Variants in SLC12A2 observed in about 807,000 individuals in gnomAD.
SLC12A2 encodes solute carrier family 12 member 2, also known as Na-K-2Cl cotransporter 1.
Under a neutral mutation model 136.3 loss-of-function variants are expected in SLC12A2, and 67 were observed. That is an observed-to-expected ratio of 0.49 (90% CI 0.40 to 0.60). SLC12A2 has a LOEUF of 0.60. SLC12A2 is among the 20% of genes least tolerant of loss of function. SLC12A2 has a pLI of 0.00. For synonymous variants in SLC12A2, 619 were observed against 562.9 expected (o/e 1.10, Z -1.41); for missense variants, 1,322 against 1,534.7 (o/e 0.86, Z 2.32).
chr5:128,143,061 G>T (rs1444297503), intron 10 of SLC12A2, among the ~76,000 whole-genome samples: 1 of 151,962 alleles, frequency 6.6e-6, no homozygotes. Context: ...AATTGACTTT[G>T]TTGAGTGTTC....
intron 19 of SLC12A2, among the ~76,000 whole-genome samples, chr5:128,173,138 T>C (rs1763435722): frequency 6.6e-6 from 1 of 152,218 alleles, no homozygotes; most frequent in Non-Finnish European, 1.5e-5. Context: ...AAGAGGTATC[T>C]GCTTCTGTAT....
At chr5:128,130,736 A>T (rs951289590) in intron 4 of SLC12A2, among the ~76,000 whole-genome samples, 3 of 152,094 alleles carry the variant, frequency 2.0e-5, no homozygotes, top group Non-Finnish European at 2.9e-5. Context: ...TATATTAGAA[A>T]TTCATTGGGA....
At position 128,180,872 on chromosome 5, in the gene SLC12A2, T is replaced by G. The variant is rs1581142290; in HGVS notation, c.3101-11T>G. ...ATTTAGTAAATGATTTATTACATTT[T>G]TATAATTCAGGTTTGACCTTATTGA... On this transcript the variant is annotated splice_polypyrimidine_tract_variant and intron_variant, in intron 22 of 26. Coordinates refer to ENST00000262461, the MANE Select transcript of SLC12A2 (RefSeq NM_001046.3). 1 of 1,448,538 alleles carries G rather than the reference T, an allele frequency of 6.9e-7. No individual in the cohort carries two copies. The highest frequency in any genetic ancestry group is 2.3e-5 in the East Asian group (1 of 44,024). The allele number at this position is 1,448,538 out of a possible 1,614,324, so 89.7% of individuals were successfully genotyped here.
At chr5:128,109,148 A>G (rs879156341) in intron 1 of SLC12A2, among the ~76,000 whole-genome samples, 1 of 152,224 alleles carries the variant, frequency 6.6e-6, no homozygotes, top group African/African-American at 2.4e-5. Context: ...AAATTTAATT[A>G]TTTTTCTCAC....
chr5:128,126,261 A>G (rs1321442717), intron 4 of SLC12A2, among the ~76,000 whole-genome samples: 1 of 152,208 alleles, frequency 6.6e-6, no homozygotes, highest in East Asian at 1.9e-4. Flanking sequence ...AAATGGGTAA[A>G]AGATTTGAAT....
intron 3 of SLC12A2, 38 bp from the exon 4 acceptor site, chr5:128,114,548 A>C (rs1173224878): frequency 7.5e-7 from 1 of 1,337,882 alleles, no homozygotes; most frequent in Non-Finnish European, 1.1e-6. Flanking sequence ...CTTAAACAAG[A>C]GTGTAAGTAT....
rs779415832 is a variant in SLC12A2 at position 128,138,609 on chromosome 5, A to G, written c.1421A>G (p.Asn474Ser). 1.2e-6 allele frequency: 2 copies of G among 1,607,952 alleles called. No homozygotes were observed. Among genetic ancestry groups the G allele is most frequent in the African/African-American group, 1.3e-5 (1 of 74,282 alleles). ...TTGTTCTCTGCAGCTGAAATATTTA[A>G]TGAGAACTTTGGGCCCGATTTTCGA... ...GFFGYKSEIFNENFGPDFREE... is the reference protein window; with the variant it reads ...GFFGYKSEIFSENFGPDFREE... Residue 474 changes from asparagine to serine, a missense_variant, in exon 8 of 27, where the codon AAT becomes AGT. Transcript: ENST00000262461.
chr5:128,092,826 A>G (rs949578463), intron 1 of SLC12A2, among the ~76,000 whole-genome samples: 2 of 152,156 alleles, frequency 1.3e-5, no homozygotes, highest in African/African-American at 4.8e-5. Flanking sequence ...CTGAGGTCCT[A>G]TGATTTTCAT....
chr5:128,134,424 T>G (rs1488069493), intron 6 of SLC12A2, 149 bp downstream of exon 6: 5 of 562,018 alleles, frequency 8.9e-6, no homozygotes, highest in Admixed American at 3.1e-5. Context: ...AAGGTTATTT[T>G]CTACTTGACA....
chr5:128,186,753 TA>T lies in SLC12A2; in HGVS notation c.*124del, dbSNP rs1763882840. ...GGTGACTTTTCTTTCACGATTTCAT[TA>T]ATTTGAAAGCACACAGGAAAGTTGC... On this transcript the variant is annotated 3_prime_UTR_variant, in exon 27 of 27. Coordinates refer to ENST00000262461, the MANE Select transcript of SLC12A2 (RefSeq NM_001046.3). 9.2e-7 allele frequency: 1 copy of T among 1,090,650 alleles called. No homozygotes were observed. The highest frequency in any genetic ancestry group is 1.6e-5 in the African/African-American group (1 of 64,320). The allele number at this position is 1,090,650 out of a possible 1,614,324, so 67.6% of individuals were successfully genotyped here. A position where few individuals can be genotyped will look rare whatever the true frequency, so the allele number is the denominator to read the frequency against.
chr5:128,142,412 G>C (rs1471118133), intron 10 of SLC12A2, among the ~76,000 whole-genome samples: 1 of 151,974 alleles, frequency 6.6e-6, no homozygotes, highest in Non-Finnish European at 1.5e-5. Context: ...CAGTTGTTCT[G>C]TATATCCCCT....
At chr5:128,141,192 T>C (rs578113999) in intron 9 of SLC12A2, among the ~76,000 whole-genome samples, 1 of 152,272 alleles carries the variant, frequency 6.6e-6, no homozygotes, top group East Asian at 1.9e-4. Context: ...TCAATAATTA[T>C]TACCCAGCTT....
At chr5:128,085,544 T>C (rs1271479170) in intron 1 of SLC12A2, among the ~76,000 whole-genome samples, 1 of 152,244 alleles carries the variant, frequency 6.6e-6, no homozygotes, top group East Asian at 1.9e-4. Context: ...TTCTTCAGCG[T>C]TCAATGTCAC....
intron 16 of SLC12A2, among the ~76,000 whole-genome samples, chr5:128,159,573 G>T (rs1762969070): frequency 6.6e-6 from 1 of 152,004 alleles, no homozygotes; most frequent in African/African-American, 2.4e-5. Flanking sequence ...AAACCACCCT[G>T]TCAAAAAGTG....
At chr5:128,114,480 T>G in intron 3 of SLC12A2, 106 bp from the exon 4 acceptor site, 1 of 867,670 alleles carries the variant, frequency 1.2e-6, no homozygotes, top group Non-Finnish European at 1.8e-6. Flanking sequence ...TTGGGTAATT[T>G]ATAACTTAAA....
chr5:128,118,043 T>G (rs7734927), intron 4 of SLC12A2, among the ~76,000 whole-genome samples: 2,086 of 152,170 alleles, frequency 0.014, 51 homozygotes, highest in African/African-American at 0.048. Flanking sequence ...AGGAATGGCC[T>G]TAATTAAAAA....
intron 4 of SLC12A2, among the ~76,000 whole-genome samples, chr5:128,120,290 A>T (rs1472066203): frequency 8.9e-5 from 13 of 146,020 alleles, no homozygotes; most frequent in African/African-American, 3.3e-4. Flanking sequence ...CCATTGTGGA[A>T]GTCAGTGTGG....
intron 22 of SLC12A2, among the ~76,000 whole-genome samples, chr5:128,180,178 G>A (rs1200043013): frequency 1.3e-5 from 2 of 151,504 alleles, no homozygotes; most frequent in African/African-American, 4.9e-5. Flanking sequence ...CATCGTGTTA[G>A]CCAGGATGGT....
At chr5:128,175,134 A>G (rs574696022) in intron 20 of SLC12A2, among the ~76,000 whole-genome samples, 1 of 152,148 alleles carries the variant, frequency 6.6e-6, no homozygotes, top group African/African-American at 2.4e-5. Flanking sequence ...CATCTGTCCT[A>G]TTCCCAGCTG....
Sources: gnomAD v4.1 joint callset for allele counts (sites outside exome capture counted in the v4.1 genomes callset) on GRCh38, gnomAD v4.1.1 for gene constraint, MANE v1.5 for transcripts, NCBI Gene and HGNC (gene_info 2026-07-23, HGNC 2026-07-21) for gene names.